The following GULP1 variants were observed in gnomAD, a reference collection of about 807,000 sequenced individuals.
GULP1 encodes GULP PTB domain containing engulfment adaptor 1.
GULP1 carries 19 observed loss-of-function variants against 40.9 expected under a neutral mutation model. The ratio of observed to expected loss-of-function variants is 0.46; its 90% CI spans 0.32 to 0.68. The LOEUF is 0.68. Ranked by LOEUF, GULP1 falls within the 30% of genes least tolerant of loss-of-function variation. The pLI is 0.03. For synonymous variants in GULP1, 119 were observed against 117.6 expected (o/e 1.01, Z -0.08); for missense variants, 312 against 362.2 (o/e 0.86, Z 1.12).
At chr2:188,319,051 ACT>A (rs1442073029) in intron 1 of GULP1, among the ~76,000 whole-genome samples, 1 of 148,584 alleles carries the variant, frequency 6.7e-6, no homozygotes, top group African/African-American at 2.5e-5. Flanking sequence ...TGTGGAATAA[ACT>A]CTGTAGAATT....
chr2:188,448,847 A>G (rs1446327093), intron 2 of GULP1, among the ~76,000 whole-genome samples: 2 of 152,142 alleles, frequency 1.3e-5, no homozygotes, highest in Non-Finnish European at 2.9e-5. Context: ...TGTTTAAAGT[A>G]GGTGGCAACA....
At chr2:188,535,697 A>G (rs967409104) in intron 6 of GULP1, among the ~76,000 whole-genome samples, 5 of 152,128 alleles carry the variant, frequency 3.3e-5, no homozygotes, top group African/African-American at 1.2e-4. Flanking sequence ...TTATGGATAT[A>G]TGTCAAGTAT....
chr2:188,374,338 T>C (rs1173872067), intron 1 of GULP1, among the ~76,000 whole-genome samples: 1 of 152,006 alleles, frequency 6.6e-6, no homozygotes, highest in African/African-American at 2.4e-5. Context: ...CATTCAAGAG[T>C]AATTATTTTG....
At chr2:188,481,436 G>A (rs892497343) in intron 3 of GULP1, among the ~76,000 whole-genome samples, 17 of 151,958 alleles carry the variant, frequency 1.1e-4, no homozygotes, top group African/African-American at 3.6e-4. Context: ...CTGAGGATAT[G>A]TAATAAACAA....
intron 1 of GULP1, among the ~76,000 whole-genome samples, chr2:188,326,238 A>G (rs1047590003): frequency 1.3e-5 from 2 of 152,098 alleles, no homozygotes; most frequent in Non-Finnish European, 2.9e-5. Context: ...CATTATACAT[A>G]CTATCTGTGT....
At chr2:188,543,135 A>G (rs866567138) in intron 7 of GULP1, among the ~76,000 whole-genome samples, 1 of 152,262 alleles carries the variant, frequency 6.6e-6, no homozygotes, top group Middle Eastern at 3.4e-3. Flanking sequence ...CCTTGGATAT[A>G]GCGTATCAAC....
At chr2:188,580,673 C>T (rs1701127948) in intron 9 of GULP1, among the ~76,000 whole-genome samples, 1 of 152,124 alleles carries the variant, frequency 6.6e-6, no homozygotes, top group Non-Finnish European at 1.5e-5. Context: ...CCACACTGAA[C>T]CCTTCCCTCA....
chr2:188,437,608 A>T (rs369165927), intron 2 of GULP1, among the ~76,000 whole-genome samples: 1 of 152,152 alleles, frequency 6.6e-6, no homozygotes, highest in African/African-American at 2.4e-5. Context: ...TCATTCTACC[A>T]TAAAGACACG....
intron 11 of GULP1, chr2:188,589,776 T>C: frequency 4.0e-6 from 5 of 1,245,064 alleles, no homozygotes; most frequent in Non-Finnish European, 5.4e-6. Flanking sequence ...TTATAATAAT[T>C]TTAAACAACT....
At chr2:188,496,025 C>G (rs1247491311) in intron 4 of GULP1, among the ~76,000 whole-genome samples, 4 of 151,986 alleles carry the variant, frequency 2.6e-5, no homozygotes, top group Non-Finnish European at 4.4e-5. Flanking sequence ...ATCCCCCTCT[C>G]TTCCTGCCCT....
chr2:188,382,125 G>C (rs886749544), intron 1 of GULP1, among the ~76,000 whole-genome samples: 5 of 152,076 alleles, frequency 3.3e-5, no homozygotes, highest in Non-Finnish European at 5.9e-5. Context: ...TAGTGCTGTA[G>C]TTCAGACTGG....
At chr2:188,409,584 A>T (rs1431212780) in intron 2 of GULP1, among the ~76,000 whole-genome samples, 1 of 152,180 alleles carries the variant, frequency 6.6e-6, no homozygotes, top group Admixed American at 6.5e-5. Context: ...TTGAAGAAGA[A>T]AGAATACTTC....
At chr2:188,301,889 A>G (rs1423493519) in intron 1 of GULP1, among the ~76,000 whole-genome samples, 3 of 152,186 alleles carry the variant, frequency 2.0e-5, no homozygotes, top group African/African-American at 4.8e-5. Context: ...GGCAGAAAAA[A>G]TATAAAACCT....
At chr2:188,466,623 A>G (rs1473220314) in intron 2 of GULP1, 1 of 151,940 alleles carries the variant, frequency 6.6e-6, no homozygotes. Context: ...TGCCTCATTC[A>G]TAAATTTGGC....
At chr2:188,452,739 A>T (rs2058931258) in intron 2 of GULP1, among the ~76,000 whole-genome samples, 1 of 152,226 alleles carries the variant, frequency 6.6e-6, no homozygotes, top group Non-Finnish European at 1.5e-5. Flanking sequence ...CATGACAAGG[A>T]TCGAGTTTCC....
chr2:188,404,878 A>G (rs997858633), intron 2 of GULP1, among the ~76,000 whole-genome samples: 1 of 152,038 alleles, frequency 6.6e-6, no homozygotes, highest in African/African-American at 2.4e-5. Context: ...CCACCCTGGC[A>G]TCAGATCAGC....
chr2:188,406,269 C>A (rs2053082905), intron 2 of GULP1, among the ~76,000 whole-genome samples: 1 of 152,094 alleles, frequency 6.6e-6, no homozygotes, highest in African/African-American at 2.4e-5. Context: ...ATACTATAGG[C>A]AGTTGTAACA....
intron 1 of GULP1, among the ~76,000 whole-genome samples, chr2:188,366,073 T>C (rs2046741190): frequency 6.6e-6 from 1 of 152,032 alleles, no homozygotes; most frequent in African/African-American, 2.4e-5. Context: ...ATCCCTCAGG[T>C]TATCCAACTT....
At chr2:188,324,739 G>T (rs747186622) in intron 1 of GULP1, among the ~76,000 whole-genome samples, 3 of 151,686 alleles carry the variant, frequency 2.0e-5, no homozygotes, top group Admixed American at 6.6e-5. Context: ...TTTCAAATTT[G>T]AGGAAAGACA....
Sources: allele counts gnomAD v4.1 joint callset (sites outside exome capture counted in the v4.1 genomes callset), GRCh38; gene constraint gnomAD v4.1.1; transcripts MANE v1.5; gene names NCBI Gene and HGNC (gene_info 2026-07-23, HGNC 2026-07-21).